Variants in VKORC1L1 observed in about 807,000 individuals in gnomAD.
The protein encoded by VKORC1L1 is vitamin K epoxide reductase complex subunit 1-like protein 1.
In VKORC1L1, 2 loss-of-function variants were observed where a neutral mutation model predicts 18.9. That is an observed-to-expected ratio of 0.11 (90% confidence interval 0.04 to 0.33). The LOEUF (loss-of-function observed/expected upper bound fraction) is 0.33. Ranked by LOEUF, VKORC1L1 falls within the 10% of genes least tolerant of loss-of-function variation. VKORC1L1 has a pLI of 1.00. For missense variants in VKORC1L1, 123 were observed against 224.1 expected, an observed-to-expected ratio of 0.55 and a Z score of 2.88; for synonymous variants, 96 against 100.0, an observed-to-expected ratio of 0.96 and a Z score of 0.24.
intron 1 of VKORC1L1, among the ~76,000 whole-genome samples, chr7:65,892,335 C>G (rs1197804995): frequency 2.0e-5 from 3 of 152,138 alleles, no homozygotes; most frequent in Admixed American, 6.6e-5. Context: ...CACGGTAGTT[C>G]TATTTTTAGT....
chr7:65,905,639 C>G (rs1036691914), intron 1 of VKORC1L1, among the ~76,000 whole-genome samples: 1 of 152,100 alleles, frequency 6.6e-6, no homozygotes, highest in Non-Finnish European at 1.5e-5. Context: ...TATGAGTATT[C>G]TTGTATACTT....
chr7:65,894,017 C>T (rs1391094691), intron 1 of VKORC1L1, among the ~76,000 whole-genome samples: 2 of 151,502 alleles, frequency 1.3e-5, no homozygotes, highest in Admixed American at 6.6e-5. Flanking sequence ...TGCAATGGTG[C>T]GATCTCGGCT....
At chr7:65,932,970 C>T (rs902065968) in intron 1 of VKORC1L1, among the ~76,000 whole-genome samples, 8 of 150,240 alleles carry the variant, frequency 5.3e-5, no homozygotes, top group African/African-American at 1.7e-4. Context: ...CCCAGCTACT[C>T]GGGAGGCTGA....
In VKORC1L1 at chr7:65,959,522, A is replaced by G. The variant is rs1467613784; in HGVS notation, c.*5222A>G. On this transcript the variant is annotated 3_prime_UTR_variant, in exon 3 of 3. Coordinates refer to ENST00000360768, the MANE Select transcript of VKORC1L1 (RefSeq NM_173517.6). ...TGGAACTGACTACACTCATTTTTAAAAAATGGACGATGCCTAATAAAACCA... is the reference window on the plus strand; with the variant it reads ...TGGAACTGACTACACTCATTTTTAAGAAATGGACGATGCCTAATAAAACCA... 6.6e-6 allele frequency: 1 copy of G among 152,274 alleles called. No homozygotes were observed. The highest frequency in any genetic ancestry group is 6.5e-5 in the Admixed American group (1 of 15,286). The allele number at this position is 152,274 out of a possible 1,614,324, so 9.4% of individuals were successfully genotyped here.
At chr7:65,949,333 G>T (rs1001609258) in intron 2 of VKORC1L1, among the ~76,000 whole-genome samples, 2 of 151,936 alleles carry the variant, frequency 1.3e-5, no homozygotes, top group Admixed American at 6.6e-5. Flanking sequence ...TACAAAATTA[G>T]CTGGGCGAGG....
At chr7:65,947,043 C>T (rs1790130731) in intron 1 of VKORC1L1, among the ~76,000 whole-genome samples, 1 of 151,962 alleles carries the variant, frequency 6.6e-6, no homozygotes. Flanking sequence ...GAGGCTGAGG[C>T]AGGAGAATCA....
At chr7:65,867,342 G>A in the VKORC1L1 span, among the ~76,000 whole-genome samples, 1 of 152,190 alleles carries the variant, frequency 6.6e-6, no homozygotes, top group African/African-American at 2.4e-5. Flanking sequence ...GGTCTTCAGA[G>A]AGAGACTAGG....
chr7:65,927,306 A>T (rs1789782050), intron 1 of VKORC1L1, among the ~76,000 whole-genome samples: 1 of 152,146 alleles, frequency 6.6e-6, no homozygotes, highest in African/African-American at 2.4e-5. Context: ...GAAAAAAAAA[A>T]ATCATAATGG....
intron 1 of VKORC1L1, among the ~76,000 whole-genome samples, chr7:65,924,967 C>T (rs1335951561): frequency 6.6e-6 from 1 of 152,162 alleles, no homozygotes; most frequent in Non-Finnish European, 1.5e-5. Flanking sequence ...GGGTGCTTTC[C>T]CTCCTGGTTG....
chr7:65,889,643 A>G (rs1475447732), intron 1 of VKORC1L1, among the ~76,000 whole-genome samples: 1 of 152,244 alleles, frequency 6.6e-6, no homozygotes, highest in Non-Finnish European at 1.5e-5. Context: ...CCAGCACTCC[A>G]GAAAGCCCTC....
At chr7:65,878,139 C>G (rs1362328503) in intron 1 of VKORC1L1, among the ~76,000 whole-genome samples, 1 of 152,060 alleles carries the variant, frequency 6.6e-6, no homozygotes, top group Non-Finnish European at 1.5e-5. Flanking sequence ...GATAATAAAA[C>G]TTTTAGAATT....
At chr7:65,944,275 A>C (rs1334888439) in intron 1 of VKORC1L1, among the ~76,000 whole-genome samples, 1 of 152,130 alleles carries the variant, frequency 6.6e-6, no homozygotes, top group African/African-American at 2.4e-5. Context: ...AGGCTGACAC[A>C]GGAGTCTCAC....
chr7:65,942,558 G>T (rs1021298103), intron 1 of VKORC1L1, among the ~76,000 whole-genome samples: 1 of 150,562 alleles, frequency 6.6e-6, no homozygotes, highest in Admixed American at 6.6e-5. Context: ...TTTTAATCGA[G>T]ATGGAGTCGT....
Position 65,955,431 on chromosome 7 carries a change from G to T in VKORC1L1, c.*1131G>T, listed in dbSNP as rs939440067. On this transcript the variant is annotated 3_prime_UTR_variant, in exon 3 of 3. Coordinates refer to ENST00000360768, the MANE Select transcript of VKORC1L1 (RefSeq NM_173517.6). Reference sequence around the variant, plus strand: ...TTGTAACCTTCAGGGCTGACATGCTGCCCAGTTTGCTTCATCGGGAGAATA... The same window carrying T: ...TTGTAACCTTCAGGGCTGACATGCTTCCCAGTTTGCTTCATCGGGAGAATA... 1 of 152,142 alleles carries T rather than the reference G, an allele frequency of 6.6e-6. No homozygotes were observed. Among genetic ancestry groups the T allele is most frequent in the Non-Finnish European group, 1.5e-5 (1 of 68,022 alleles). 9.4% of individuals were successfully genotyped at this position (152,142 alleles called of 1,614,324 possible). A position where few individuals can be genotyped will look rare whatever the true frequency, so the allele number is the denominator to read the frequency against.
intron 1 of VKORC1L1, 82 bp downstream of exon 1, chr7:65,873,647 C>T: frequency 1.6e-6 from 2 of 1,286,464 alleles, no homozygotes; most frequent in Non-Finnish European, 2.0e-6. Flanking sequence ...GCGGCGGGAG[C>T]TCAGGCCTGG....
chr7:65,942,284 G>A (rs551418182), intron 1 of VKORC1L1, among the ~76,000 whole-genome samples: 3 of 151,648 alleles, frequency 2.0e-5, no homozygotes, highest in African/African-American at 7.2e-5. Flanking sequence ...TCAGGAGATT[G>A]AGACCACCCT....
chr7:65,900,250 C>T (rs1381080466), intron 1 of VKORC1L1, among the ~76,000 whole-genome samples: 2 of 151,042 alleles, frequency 1.3e-5, no homozygotes, highest in Non-Finnish European at 2.9e-5. Flanking sequence ...ATTAGCCAGG[C>T]GTGGTGGCGG....
At chr7:65,889,828 G>A (rs1287421903) in intron 1 of VKORC1L1, among the ~76,000 whole-genome samples, 1 of 152,014 alleles carries the variant, frequency 6.6e-6, no homozygotes, top group African/African-American at 2.4e-5. Context: ...TCTTTACTTG[G>A]CTGCTTTCAC....
intron 1 of VKORC1L1, among the ~76,000 whole-genome samples, chr7:65,883,286 C>G (rs1788958683): frequency 6.6e-6 from 1 of 151,648 alleles, no homozygotes; most frequent in Non-Finnish European, 1.5e-5. Context: ...GAACTACAGG[C>G]ATGTGCCACC....
Sources: allele counts gnomAD v4.1 joint callset (sites outside exome capture counted in the v4.1 genomes callset), GRCh38; gene constraint gnomAD v4.1.1; transcripts MANE v1.5; gene names NCBI Gene and HGNC (gene_info 2026-07-23, HGNC 2026-07-21).